The following XIRP2 variants were observed in gnomAD, a reference collection of about 807,000 sequenced individuals.
XIRP2 encodes the protein xin actin-binding repeat-containing protein 2.
Under a neutral mutation model 277.0 loss-of-function variants are expected in XIRP2, and 236 were observed. The ratio of observed to expected loss-of-function variants is 0.85; its 90% confidence interval spans 0.77 to 0.95. XIRP2 has a LOEUF of 0.95. Ranked by LOEUF, XIRP2 falls within the 40% of genes least tolerant of loss-of-function variation. The probability of loss-of-function intolerance (pLI) is 0.00; values close to 1 mark genes in which losing one functional copy is unlikely to be tolerated. For missense variants in XIRP2, 4,640 were observed against 4,157.5 expected, an observed-to-expected ratio of 1.12 and a Z score of -3.19; for synonymous variants, 1,490 against 1,416.5, an observed-to-expected ratio of 1.05 and a Z score of -1.17.
At chr2:167,222,001 G>T (rs79289617) in intron 5 of XIRP2, among the ~76,000 whole-genome samples, 5,077 of 152,120 alleles carry the variant, frequency 0.033, 140 homozygotes, top group African/African-American at 0.071. Flanking sequence ...GATGTTTCAG[G>T]GTAATTAGCT....
intron 3 of XIRP2, chr2:167,184,763 A>C (rs1234638835): frequency 1.6e-6 from 1 of 633,006 alleles, no homozygotes; most frequent in African/African-American, 1.8e-5. Context: ...CCATGACAGC[A>C]TTGGCCTGAT....
At chr2:167,121,870 T>G (rs1424079364) in intron 2 of XIRP2, among the ~76,000 whole-genome samples, 1 of 152,128 alleles carries the variant, frequency 6.6e-6, no homozygotes, top group African/African-American at 2.4e-5. Flanking sequence ...CCACAGGTTT[T>G]CTTAGGCACA....
chr2:167,061,693 A>G (rs531774699), intron 2 of XIRP2, among the ~76,000 whole-genome samples: 3 of 152,284 alleles, frequency 2.0e-5, no homozygotes, highest in East Asian at 1.9e-4. Context: ...AAGGAGACAC[A>G]TAGACAAACA....
intron 2 of XIRP2, among the ~76,000 whole-genome samples, chr2:167,030,668 G>A (rs553543020): frequency 6.6e-6 from 1 of 152,264 alleles, no homozygotes; most frequent in East Asian, 1.9e-4. Context: ...ATGTGGTGCT[G>A]AGAAGAATAT....
intron 3 of XIRP2, among the ~76,000 whole-genome samples, chr2:167,208,824 A>G (rs1394095435): frequency 6.6e-6 from 1 of 152,232 alleles, no homozygotes; most frequent in African/African-American, 2.4e-5. Flanking sequence ...CACAAAATAA[A>G]ATTTATATTT....
intron 2 of XIRP2, among the ~76,000 whole-genome samples, chr2:166,986,015 C>T (rs771509013): frequency 2.6e-4 from 40 of 152,144 alleles, no homozygotes; most frequent in Admixed American, 5.2e-4. Flanking sequence ...TTTCCTATAA[C>T]AGCAGAAGGA....
chr2:167,214,950 A>C (rs1479250591), intron 4 of XIRP2, among the ~76,000 whole-genome samples: 5 of 152,182 alleles, frequency 3.3e-5, no homozygotes, highest in South Asian at 2.1e-4. Context: ...AAATGCATTT[A>C]CCAGGAGAGC....
chr2:167,071,309 T>C (rs1441453631), intron 2 of XIRP2, among the ~76,000 whole-genome samples: 1 of 151,950 alleles, frequency 6.6e-6, no homozygotes, highest in Non-Finnish European at 1.5e-5. Context: ...GAAAAGTTAA[T>C]GAATTAACAA....
chr2:167,249,304 G>A lies in XIRP2; in HGVS notation c.7912G>A (p.Ala2638Thr), dbSNP rs374081702. 84 of 1,613,638 alleles carry A rather than the reference G, an allele frequency of 5.2e-5. 1 individual carries two copies. The Middle Eastern group carries it at 9.9e-4, about 19-fold the overall frequency. Residue 2638 changes from alanine (A) to threonine (T), a missense_variant, in exon 9 of 11, where the codon GCT becomes ACT. Ala to Thr is a moderately conservative substitution (Grantham distance 58). Transcript: ENST00000409195. ...CTCCACAACATCGCCAGAAACAGTC[G>A]CTGCCAAGAGGCTCCACCATGTTTT... ...QLSTTSPETV[A>T]AKRLHHVLAA...
At chr2:167,023,888 G>A (rs575055560) in intron 2 of XIRP2, among the ~76,000 whole-genome samples, 18 of 152,230 alleles carry the variant, frequency 1.2e-4, no homozygotes, top group African/African-American at 2.6e-4. Flanking sequence ...GTCAGGTAGC[G>A]TGATGCCTCT....
chr2:166,890,282 C>T (rs1307991981), intron 1 of XIRP2, among the ~76,000 whole-genome samples: 6 of 152,056 alleles, frequency 3.9e-5, no homozygotes, highest in East Asian at 1.9e-4. Context: ...CATGAGCCAC[C>T]GTGCCTGGCC....
intron 2 of XIRP2, among the ~76,000 whole-genome samples, chr2:166,932,519 C>T (rs769239338): frequency 1.2e-4 from 19 of 152,100 alleles, no homozygotes; most frequent in South Asian, 4.1e-4. Flanking sequence ...CCAGCCCATA[C>T]GCTCTCTTAA....
At chr2:167,143,701 T>C (rs969479191) in intron 3 of XIRP2, among the ~76,000 whole-genome samples, 5 of 152,174 alleles carry the variant, frequency 3.3e-5, no homozygotes. Flanking sequence ...TTGGTTTTTC[T>C]ACTTTCAGAA....
chr2:167,196,411 T>TG (rs1559016176), intron 3 of XIRP2, among the ~76,000 whole-genome samples: 20 of 112,028 alleles, frequency 1.8e-4, no homozygotes, highest in African/African-American at 3.3e-4. Context: ...TGTCAAGAAT[T>TG]TTGTGTGTGT....
intron 5 of XIRP2, among the ~76,000 whole-genome samples, chr2:167,228,588 G>A (rs1053447046): frequency 6.6e-6 from 1 of 152,086 alleles, no homozygotes; most frequent in South Asian, 2.1e-4. Flanking sequence ...AATCTTCCTG[G>A]TGACTTGGCA....
intron 2 of XIRP2, among the ~76,000 whole-genome samples, chr2:166,942,876 A>T (rs1685757237): frequency 6.6e-6 from 1 of 152,196 alleles, no homozygotes; most frequent in African/African-American, 2.4e-5. Flanking sequence ...AAAATAATTA[A>T]CAACATCAAA....
chr2:167,192,531 T>C (rs1693379154), intron 3 of XIRP2, among the ~76,000 whole-genome samples: 1 of 152,198 alleles, frequency 6.6e-6, no homozygotes, highest in Admixed American at 6.5e-5. Flanking sequence ...ACTCTTTGGT[T>C]TGTGTCTTGC....
rs759591092 is a variant in XIRP2 at position 167,246,360 on chromosome 2, A to G, written c.4968A>G (p.Lys1656=). The change falls in exon 9 of 11, where the codon AAA becomes AAG. Residue 1656 remains lysine, a synonymous_variant. Coordinates refer to ENST00000409195, the MANE Select transcript of XIRP2 (RefSeq NM_152381.6). ...EFHAEKEEIV[K]GDVQQAIKNL... is the part of the protein sequence containing the mutation. ...ATGCTGAAAAAGAAGAGATAGTGAA[A>G]GGTGATGTACAACAAGCAATAAAAA... The G allele has an allele frequency of 6.2e-7, 1 of 1,613,186 alleles. No individual in the cohort carries two copies. Among genetic ancestry groups the G allele is most frequent in the East Asian group, 2.2e-5 (1 of 44,798 alleles).
intron 2 of XIRP2, among the ~76,000 whole-genome samples, chr2:167,060,048 C>A (rs553607094): frequency 3.6e-4 from 55 of 152,226 alleles, no homozygotes; most frequent in Admixed American, 2.6e-3. Flanking sequence ...AATGAGTGAT[C>A]CTAGCTAATG....
Sources: allele counts gnomAD v4.1 joint callset (sites outside exome capture counted in the v4.1 genomes callset), GRCh38; gene constraint gnomAD v4.1.1; transcripts MANE v1.5; gene names NCBI Gene and HGNC (gene_info 2026-07-23, HGNC 2026-07-21).